The following TTC23 variants were observed in gnomAD, a reference collection of about 807,000 sequenced individuals.
The protein encoded by TTC23 is tetratricopeptide repeat protein 23.
TTC23 carries 58 observed loss-of-function variants against 55.1 expected under a neutral mutation model. The observed-to-expected ratio is 1.05, with a 90% confidence interval of 0.85 to 1.31. The LOEUF is 1.31. TTC23 is among the 50% of genes most tolerant of loss of function. The pLI is 0.00. For missense variants in TTC23, 516 were observed against 534.4 expected (o/e 0.97, Z 0.34); for synonymous variants, 203 against 199.9 (o/e 1.02, Z -0.13).
intron 4 of TTC23, among the ~76,000 whole-genome samples, chr15:99,230,654 T>C (rs547428697): frequency 1.1e-4 from 16 of 152,202 alleles, no homozygotes; most frequent in African/African-American, 3.6e-4. Flanking sequence ...ATAAAGATGA[T>C]AACAGATTTC....
chr15:99,242,980 A>G (rs2079936538), intron 2 of TTC23, among the ~76,000 whole-genome samples: 1 of 152,244 alleles, frequency 6.6e-6, no homozygotes, highest in Admixed American at 6.5e-5. Flanking sequence ...ACAGGCAACC[A>G]AAACAAAAAT....
intron 8 of TTC23, 115 bp downstream of exon 8, chr15:99,218,473 C>T (rs1282549901): frequency 1.6e-5 from 22 of 1,367,448 alleles, no homozygotes; most frequent in Non-Finnish European, 1.7e-5. Context: ...ACACAGTGAC[C>T]TCCAGAGAAG....
chr15:99,218,415 G>A (rs1273892077), intron 8 of TTC23, among the ~76,000 whole-genome samples, 173 bp downstream of exon 8: 2 of 152,168 alleles, frequency 1.3e-5, no homozygotes, highest in African/African-American at 4.8e-5. Flanking sequence ...ACTGATGGAT[G>A]CCCTGGTTGG....
chr15:99,242,379 C>T (rs993538945), intron 2 of TTC23, among the ~76,000 whole-genome samples: 3 of 151,968 alleles, frequency 2.0e-5, no homozygotes, highest in African/African-American at 7.2e-5. Flanking sequence ...CAAGGTTAAG[C>T]CCAGGCTCAG....
chr15:99,194,552 CAAAAAAAAA>C, intron 9 of TTC23, among the ~76,000 whole-genome samples: 1 of 40,478 alleles, frequency 2.5e-5, no homozygotes, highest in African/African-American at 9.0e-5. Context: ...ACATCACGTG[CAAAAAAAAA>C]AAAAAAAAAA....
chr15:99,156,857 A>G (rs905514884), intron 11 of TTC23, among the ~76,000 whole-genome samples: 1 of 152,250 alleles, frequency 6.6e-6, no homozygotes, highest in African/African-American at 2.4e-5. Flanking sequence ...GACACCTGGC[A>G]AAATAAACCC....
chr15:99,155,421 T>C (rs2070401264), intron 12 of TTC23: 1 of 152,302 alleles, frequency 6.6e-6, no homozygotes, highest in Admixed American at 6.5e-5. Flanking sequence ...AAGCTCTTTA[T>C]GGAGTTAGAC....
intron 12 of TTC23, chr15:99,148,378 A>AAAAAAAAAAAAAAAAAAAAAAAAC (rs2069238048): frequency 6.7e-6 from 1 of 148,904 alleles, no homozygotes; most frequent in Non-Finnish European, 1.5e-5. Context: ...AAAAAAAAAA[A>AAAAAAAAAAAAAAAAAAAAAAAAC]AAAAAAAAAG....
intron 6 of TTC23, among the ~76,000 whole-genome samples, chr15:99,220,406 G>A (rs759789222): frequency 9.2e-5 from 14 of 152,138 alleles, no homozygotes; most frequent in South Asian, 2.1e-4. Flanking sequence ...GAAAAGCATC[G>A]TCTGAAACCC....
At chr15:99,244,959 T>C (rs1340829960) in intron 2 of TTC23, among the ~76,000 whole-genome samples, 4 of 152,210 alleles carry the variant, frequency 2.6e-5, no homozygotes, top group Non-Finnish European at 5.9e-5. Context: ...TCTAGAGATA[T>C]ACAGCATGGT....
chr15:99,190,054 G>A (rs4500700), intron 9 of TTC23, among the ~76,000 whole-genome samples: 58,522 of 151,734 alleles, frequency 0.39, 11,740 homozygotes, highest in Middle Eastern at 0.54. Flanking sequence ...GGCAGTGCAC[G>A]CCTATAGTCC....
chr15:99,154,227 T>C (rs1555498229), intron 12 of TTC23, among the ~76,000 whole-genome samples: 2 of 152,240 alleles, frequency 1.3e-5, no homozygotes, highest in South Asian at 4.1e-4. Context: ...ATTATTTTTA[T>C]AAGCAAATAT....
chr15:99,211,396 A>G (rs980660524), intron 8 of TTC23, among the ~76,000 whole-genome samples: 1 of 152,096 alleles, frequency 6.6e-6, no homozygotes, highest in Non-Finnish European at 1.5e-5. Context: ...ACAAAAAAAA[A>G]GAAGAAGTAA....
chr15:99,243,696 T>C (rs867460735), intron 2 of TTC23, among the ~76,000 whole-genome samples: 1 of 152,214 alleles, frequency 6.6e-6, no homozygotes, highest in African/African-American at 2.4e-5. Context: ...AAGGATATTA[T>C]ACTAAGAGAA....
At chr15:99,174,201 C>T (rs1032392765) in intron 10 of TTC23, among the ~76,000 whole-genome samples, 1 of 152,074 alleles carries the variant, frequency 6.6e-6, no homozygotes, top group Non-Finnish European at 1.5e-5. Context: ...CTCTGTGGAC[C>T]GAAGCTCCCT....
chr15:99,227,485 C>T (rs2078550971), intron 5 of TTC23, among the ~76,000 whole-genome samples: 1 of 152,218 alleles, frequency 6.6e-6, no homozygotes, highest in South Asian at 2.1e-4. Context: ...TCCAGTTTTA[C>T]TCTTTTTTTG....
chr15:99,176,383 T>C (rs1418006296), intron 9 of TTC23, among the ~76,000 whole-genome samples: 1 of 152,064 alleles, frequency 6.6e-6, no homozygotes, highest in African/African-American at 2.4e-5. Context: ...GGACTGAGGC[T>C]GGAGATTGCT....
At chr15:99,222,291 CAG>C (rs2078008760) in intron 5 of TTC23, among the ~76,000 whole-genome samples, 1 of 152,012 alleles carries the variant, frequency 6.6e-6, no homozygotes, top group African/African-American at 2.4e-5. Flanking sequence ...GTGTATGAGA[CAG>C]GGTCTCACTC....
intron 2 of TTC23, among the ~76,000 whole-genome samples, chr15:99,241,946 G>A (rs1016679595): frequency 1.3e-5 from 2 of 152,132 alleles, no homozygotes; most frequent in African/African-American, 2.4e-5. Context: ...GTCAGGCTGG[G>A]CAACATGTCA....
Sources: gnomAD v4.1 joint callset for allele counts (sites outside exome capture counted in the v4.1 genomes callset) on GRCh38, gnomAD v4.1.1 for gene constraint, MANE v1.5 for transcripts, NCBI Gene and HGNC (gene_info 2026-07-23, HGNC 2026-07-21) for gene names.